The following TXNRD2 variants were observed in gnomAD, a reference collection of about 807,000 sequenced individuals.
TXNRD2 encodes thioredoxin reductase 2.
TXNRD2 carries 67 observed loss-of-function variants against 70.8 expected under a neutral mutation model. That is an observed-to-expected ratio of 0.95 (90% CI 0.78 to 1.16). The LOEUF is 1.16. Ranked by LOEUF, TXNRD2 falls within the 50% of genes most tolerant of loss-of-function variation. The pLI is 0.00. For missense variants in TXNRD2, 644 were observed against 719.9 expected (o/e 0.89, Z 1.21); for synonymous variants, 301 against 295.8 (o/e 1.02, Z -0.18).
Position 19,892,051 on chromosome 22 carries a change from T to TGC in TXNRD2, c.949+3354_949+3355dup, listed in dbSNP as rs138304936. On this transcript the variant is annotated intron_variant, in intron 11 of 17. Transcript: ENST00000400521. ...CACCTGGGCCCCTTCTGTGTGTGTG[T>TGC]GCACCGGGCACGGAGGCATCCCCCC... Among the ~76,000 whole-genome samples, 1,057 of 152,338 alleles carry TGC rather than the reference T, an allele frequency of 6.9e-3. 8 individuals carry two copies. The highest frequency in any genetic ancestry group is 0.025 in the African/African-American group (1,020 of 41,576).
chr22:19,886,863 T>C (rs979926249), intron 11 of TXNRD2, among the ~76,000 whole-genome samples: 2 of 152,222 alleles, frequency 1.3e-5, no homozygotes, highest in Non-Finnish European at 2.9e-5. Context: ...CTCTGCTTCC[T>C]AGACACCACC....
intron 11 of TXNRD2, among the ~76,000 whole-genome samples, chr22:19,892,143 T>C (rs1178793425): frequency 6.6e-6 from 1 of 152,278 alleles, no homozygotes; most frequent in Non-Finnish European, 1.5e-5. Context: ...GTCGGAGATG[T>C]TGGCATTGCC....
At chr22:19,882,000 G>A (rs540329707) in intron 12 of TXNRD2, among the ~76,000 whole-genome samples, 1 of 152,322 alleles carries the variant, frequency 6.6e-6, no homozygotes, top group South Asian at 2.1e-4. Flanking sequence ...TTAAGGTAAG[G>A]ATGGAAATGA....
intron 1 of TXNRD2, among the ~76,000 whole-genome samples, chr22:19,935,881 T>C (rs1941520592): frequency 6.6e-6 from 1 of 152,202 alleles, no homozygotes; most frequent in Non-Finnish European, 1.5e-5. Context: ...GAAATGCTTG[T>C]TTGGCTCCCC....
chr22:19,884,953 A>G (rs970906084), intron 11 of TXNRD2, among the ~76,000 whole-genome samples: 12 of 152,090 alleles, frequency 7.9e-5, no homozygotes, highest in African/African-American at 2.7e-4. Flanking sequence ...TGTCCAAACT[A>G]CACCGTGCCC....
rs760016716 is a variant in TXNRD2, at chr22:19,931,010, G to T, written c.172+20C>A. 6.6e-5 allele frequency: 107 copies of T among 1,612,790 alleles called. No homozygotes were observed. Among genetic ancestry groups the T allele is most frequent in the Non-Finnish European group, 8.9e-5 (105 of 1,179,280 alleles). ...CCTAAAAGCTTCGAGGCCTTGCCAC[G>T]AAGTATACAGAATACATACCCTCCT... On this transcript the variant is annotated intron_variant, in intron 2 of 17. Coordinates refer to ENST00000400521, the MANE Select transcript of TXNRD2 (RefSeq NM_006440.5).
At chr22:19,905,310 C>G (rs765906654) in intron 8 of TXNRD2, among the ~76,000 whole-genome samples, 1 of 152,076 alleles carries the variant, frequency 6.6e-6, no homozygotes, top group Non-Finnish European at 1.5e-5. Context: ...TCCTTCTAAA[C>G]GAAAGAGCTT....
rs368690320 is a variant in TXNRD2 at position 19,880,197 on chromosome 22, G to A, written c.1257C>T (p.His419=). ...GCCTCACCTCAACATGCTCCTGCCC[G>A]TGGCGAGCCACTGCCTCCTCCTCGG... ...GLSEEEAVAR[H]GQEHVEVYHA... The change falls in exon 14 of 18, where the codon CAC becomes CAT. Residue 419 remains histidine, a synonymous_variant. Transcript: ENST00000400521. 69 of 1,613,168 alleles carry A rather than the reference G, an allele frequency of 4.3e-5. No individual in the cohort carries two copies. Among genetic ancestry groups the A allele is most frequent in the Middle Eastern group, 1.6e-4 (1 of 6,078 alleles).
intron 7 of TXNRD2, chr22:19,914,904 GA>G: frequency 2.4e-6 from 1 of 415,672 alleles, no homozygotes; most frequent in Non-Finnish European, 4.5e-6. Context: ...AGGCTGAAGG[GA>G]AAAGGGGGAA....
chr22:19,918,293 T>A, intron 4 of TXNRD2, 76 bp from the exon 5 acceptor site: 1 of 1,241,266 alleles, frequency 8.1e-7, no homozygotes, highest in Non-Finnish European at 1.2e-6. Context: ...GACTATTAGA[T>A]TCAAATGGTA....
intron 11 of TXNRD2, chr22:19,887,237 A>T (rs1158405979): frequency 6.6e-6 from 1 of 152,232 alleles, no homozygotes. Context: ...TGCAAACGAC[A>T]AGGGCATTAA....
intron 1 of TXNRD2, among the ~76,000 whole-genome samples, chr22:19,931,835 G>A (rs1408252244): frequency 6.6e-6 from 1 of 152,094 alleles, no homozygotes; most frequent in East Asian, 1.9e-4. Flanking sequence ...CCTTTCAGTT[G>A]TGAAGGCTGC....
intron 2 of TXNRD2, among the ~76,000 whole-genome samples, chr22:19,926,911 A>G (rs1472595819): frequency 6.6e-6 from 1 of 152,234 alleles, no homozygotes; most frequent in African/African-American, 2.4e-5. Context: ...CAATGGGTAC[A>G]GGGTATTTTG....
intron 11 of TXNRD2, among the ~76,000 whole-genome samples, chr22:19,892,129 CAG>C (rs1328438768): frequency 6.6e-6 from 1 of 152,264 alleles, no homozygotes; most frequent in African/African-American, 2.4e-5. Flanking sequence ...GTACAGGAAG[CAG>C]AGTCGGAGAT....
intron 8 of TXNRD2, among the ~76,000 whole-genome samples, chr22:19,900,024 T>C (rs1939700198): frequency 6.6e-6 from 1 of 152,224 alleles, no homozygotes; most frequent in Non-Finnish European, 1.5e-5. Flanking sequence ...GTACTAATGA[T>C]ATAATTCCAT....
chr22:19,934,108 G>A (rs1333694344), intron 1 of TXNRD2, among the ~76,000 whole-genome samples: 6 of 152,204 alleles, frequency 3.9e-5, no homozygotes, highest in Admixed American at 3.9e-4. Flanking sequence ...GCCACCTCAG[G>A]GGCCCTCCTG....
chr22:19,922,023 C>T (rs1940937730), intron 2 of TXNRD2, among the ~76,000 whole-genome samples: 1 of 152,134 alleles, frequency 6.6e-6, no homozygotes, highest in South Asian at 2.1e-4. Flanking sequence ...ATAACTGCAT[C>T]CCAGAACAGA....
In TXNRD2 at chr22:19,941,715, GCCGCGCCCCGCA is replaced by G; in HGVS notation, c.77_88del (p.Val26_Ala29del). ...CCCCATCCTACCTGCTGCGCCCCGC[GCCGCGCCCCGCA>G]CCCCGCCCGCCACGGCCTGCGTCCG... On this transcript the variant is annotated inframe_deletion, in exon 1 of 18. Coordinates refer to ENST00000400521, the MANE Select transcript of TXNRD2 (RefSeq NM_006440.5). The G allele has an allele frequency of 6.7e-7, 1 of 1,484,028 alleles. No homozygotes were observed. The highest frequency in any genetic ancestry group is 1.5e-5 in the African/African-American group (1 of 68,308). The allele number at this position is 1,484,028 out of a possible 1,614,324, so 91.9% of individuals were successfully genotyped here.
At chr22:19,909,833 ACACACC>A (rs1163975335) in intron 8 of TXNRD2, among the ~76,000 whole-genome samples, 2 of 66,666 alleles carry the variant, frequency 3.0e-5, no homozygotes, top group Non-Finnish European at 5.3e-5. Context: ...CACACACCAC[ACACACC>A]CACACCCTTC....
Sources: allele counts gnomAD v4.1 joint callset (sites outside exome capture counted in the v4.1 genomes callset), GRCh38; gene constraint gnomAD v4.1.1; transcripts MANE v1.5; gene names NCBI Gene and HGNC (gene_info 2026-07-23, HGNC 2026-07-21).